MIPOL1: variants seen among roughly 807,000 people sequenced by gnomAD.
MIPOL1 encodes the protein mirror-image polydactyly 1.
MIPOL1 carries 57 observed loss-of-function variants against 60.9 expected under a neutral mutation model. The ratio of observed to expected loss-of-function variants is 0.94; its 90% CI spans 0.76 to 1.17. The LOEUF (loss-of-function observed/expected upper bound fraction) is 1.17. MIPOL1 is among the 50% of genes most tolerant of loss of function. The pLI is 0.00. For synonymous variants in MIPOL1, 179 were observed against 168.8 expected (o/e 1.06, Z -0.47); for missense variants, 551 against 511.6 (o/e 1.08, Z -0.74).
rs750856479 is a variant in MIPOL1, at chr14:37,197,947, C to T, written c.-356C>T. 1.3e-5 allele frequency: 2 copies of T among 152,230 alleles called. No homozygotes were observed. The highest frequency in any genetic ancestry group is 3.9e-4 in the East Asian group (2 of 5,162). 9.4% of individuals were successfully genotyped at this position (152,230 alleles called of 1,614,324 possible). ...GCGCCGCCGCCCCGTAGGCCCCACG[C>T]GCCGCCCCGCTCCTCCGCCGGATCG... is the stretch of plus-strand genomic sequence containing the variant. On this transcript the variant is annotated 5_prime_UTR_variant, in exon 1 of 13. Transcript: ENST00000684589.
chr14:37,369,378 T>C, intron 9 of MIPOL1, 139 bp from the exon 10 acceptor site: 1 of 456,302 alleles, frequency 2.2e-6, no homozygotes, highest in South Asian at 4.0e-5. Context: ...TTAACATTAC[T>C]TTTACTTACC....
At chr14:37,523,132 G>A (rs1594865119) in intron 12 of MIPOL1, among the ~76,000 whole-genome samples, 1 of 152,110 alleles carries the variant, frequency 6.6e-6, no homozygotes, top group African/African-American at 2.4e-5. Context: ...ATGTCACCTT[G>A]CTTATGGCTT....
intron 9 of MIPOL1, among the ~76,000 whole-genome samples, chr14:37,319,911 C>T (rs1362770749): frequency 6.6e-6 from 1 of 151,960 alleles, no homozygotes; most frequent in East Asian, 1.9e-4. Flanking sequence ...TTATATACTC[C>T]TTGTGTCTAA....
intron 11 of MIPOL1, among the ~76,000 whole-genome samples, chr14:37,443,734 T>C (rs1177737489): frequency 6.9e-6 from 1 of 145,430 alleles, no homozygotes. Context: ...CCAAAGTCCT[T>C]CATGATGATA....
intron 12 of MIPOL1, among the ~76,000 whole-genome samples, chr14:37,525,830 G>A (rs188890995): frequency 1.3e-5 from 2 of 152,290 alleles, no homozygotes; most frequent in East Asian, 1.9e-4. Flanking sequence ...CTACTTGTCC[G>A]TAAGAAAAGT....
At chr14:37,467,492 A>G (rs1464670863) in intron 11 of MIPOL1, among the ~76,000 whole-genome samples, 9 of 152,170 alleles carry the variant, frequency 5.9e-5, no homozygotes, top group African/African-American at 1.4e-4. Context: ...TCACAGGCTA[A>G]CATTGTGGCA....
intron 1 of MIPOL1, among the ~76,000 whole-genome samples, chr14:37,246,853 A>G (rs7143938): frequency 0.3 from 45,264 of 151,908 alleles, 6,961 homozygotes; most frequent in East Asian, 0.44. Flanking sequence ...GATGAGGAAG[A>G]GTGACTGTAT....
At chr14:37,305,965 A>G (rs190285606) in intron 7 of MIPOL1, among the ~76,000 whole-genome samples, 2 of 151,970 alleles carry the variant, frequency 1.3e-5, no homozygotes, top group African/African-American at 4.8e-5. Context: ...AAGTCAGTAT[A>G]TATTATGTGC....
At chr14:37,218,501 A>G (rs1450547805) in intron 1 of MIPOL1, among the ~76,000 whole-genome samples, 1 of 152,060 alleles carries the variant, frequency 6.6e-6, no homozygotes, top group Non-Finnish European at 1.5e-5. Flanking sequence ...TTTATCTCTT[A>G]TAAGTGTGTT....
intron 7 of MIPOL1, among the ~76,000 whole-genome samples, chr14:37,305,080 A>G (rs111897021): frequency 1.3e-5 from 2 of 151,970 alleles, no homozygotes; most frequent in African/African-American, 4.8e-5. Context: ...TTTTAAATAG[A>G]AAATTAAAGC....
At chr14:37,376,849 G>A (rs182123120) in intron 10 of MIPOL1, among the ~76,000 whole-genome samples, 1 of 152,230 alleles carries the variant, frequency 6.6e-6, no homozygotes, top group African/African-American at 2.4e-5. Flanking sequence ...AGTTTTATAG[G>A]AAACTGCCAA....
chr14:37,239,048 ATTT>A (rs569559063), intron 1 of MIPOL1, among the ~76,000 whole-genome samples: 3 of 134,152 alleles, frequency 2.2e-5, no homozygotes, highest in Non-Finnish European at 3.2e-5. Context: ...ACATTGCTTA[ATTT>A]TTTTTTTTTT....
chr14:37,499,434 C>A (rs1594747053), intron 11 of MIPOL1, among the ~76,000 whole-genome samples: 1 of 152,054 alleles, frequency 6.6e-6, no homozygotes, highest in South Asian at 2.1e-4. Flanking sequence ...AGTAGAAGAT[C>A]AAGTAGAAAA....
intron 10 of MIPOL1, among the ~76,000 whole-genome samples, chr14:37,415,911 T>C (rs1466151130): frequency 6.6e-6 from 1 of 152,170 alleles, no homozygotes; most frequent in African/African-American, 2.4e-5. Context: ...TTGCTGTGTC[T>C]ATGTATAACT....
At chr14:37,536,382 A>G (rs2095506440) in intron 12 of MIPOL1, among the ~76,000 whole-genome samples, 1 of 152,172 alleles carries the variant, frequency 6.6e-6, no homozygotes, top group Admixed American at 6.5e-5. Context: ...AAATACATCT[A>G]TTTTGATATC....
chr14:37,216,237 A>G (rs1209683646), intron 1 of MIPOL1, among the ~76,000 whole-genome samples: 1 of 152,156 alleles, frequency 6.6e-6, no homozygotes, highest in African/African-American at 2.4e-5. Context: ...AGGATATAAC[A>G]ATTTAAAATA....
intron 9 of MIPOL1, among the ~76,000 whole-genome samples, chr14:37,316,526 C>A (rs1278636292): frequency 6.6e-6 from 1 of 150,858 alleles, no homozygotes; most frequent in Non-Finnish European, 1.5e-5. Context: ...AACTTTTTTT[C>A]CCCCTCCTGT....
intron 1 of MIPOL1, among the ~76,000 whole-genome samples, chr14:37,238,616 T>C (rs1462724533): frequency 1.3e-5 from 2 of 152,118 alleles, no homozygotes; most frequent in Non-Finnish European, 2.9e-5. Context: ...GATTATGTTA[T>C]ATAAATCACC....
At chr14:37,507,887 C>G (rs183829790) in intron 12 of MIPOL1, 2 of 152,240 alleles carry the variant, frequency 1.3e-5, no homozygotes, top group East Asian at 3.9e-4. Context: ...TTAAGCACAA[C>G]TATGTCATTA....
Sources: allele counts gnomAD v4.1 joint callset (sites outside exome capture counted in the v4.1 genomes callset), GRCh38; gene constraint gnomAD v4.1.1; transcripts MANE v1.5; gene names NCBI Gene and HGNC (gene_info 2026-07-23, HGNC 2026-07-21).